Variants in SYT9 observed in about 807,000 individuals in gnomAD.
The protein encoded by SYT9 is synaptotagmin 9, also known as synaptotagmin-9.
SYT9 carries 22 observed loss-of-function variants against 48.4 expected under a neutral mutation model. That is an observed-to-expected ratio of 0.45 (90% CI 0.32 to 0.65). The LOEUF is 0.65. Among genes scored for constraint, SYT9 ranks in the 30% least tolerant of loss-of-function variants. SYT9 has a pLI of 0.03. For missense variants in SYT9, 577 were observed against 622.0 expected, an observed-to-expected ratio of 0.93 and a Z score of 0.77; for synonymous variants, 265 against 245.0, an observed-to-expected ratio of 1.08 and a Z score of -0.76.
chr11:7,242,473 T>G (rs1192151502), intron 1 of SYT9, among the ~76,000 whole-genome samples: 2 of 152,234 alleles, frequency 1.3e-5, no homozygotes, highest in East Asian at 3.8e-4. Flanking sequence ...CACCACCCTC[T>G]GCATAGGGTT....
intron 6 of SYT9, chr11:7,435,645 G>A (rs577149753): frequency 6.6e-6 from 1 of 152,348 alleles, no homozygotes; most frequent in East Asian, 1.9e-4. Flanking sequence ...GAGAGTCTTT[G>A]AGCAACTGCA....
At position 7,431,247 on chromosome 11, in the gene SYT9, T is replaced by C. The variant is rs182295942; in HGVS notation, c.1467+10612T>C. ...AAAGAACTCGGTTGTATTGTGTCCA[T>C]ACCTTAGGGATTTGTGGGAGTTTGC... On this transcript the variant is annotated intron_variant, in intron 6 of 6. Coordinates refer to ENST00000318881, the MANE Select transcript of SYT9 (RefSeq NM_175733.4). 1.2e-4 allele frequency among the ~76,000 whole-genome samples: 18 copies of C among 152,326 alleles called. No individual in the cohort carries two copies. The East Asian group carries it at 1.9e-3, about 16-fold the overall frequency.
intron 3 of SYT9, among the ~76,000 whole-genome samples, chr11:7,381,977 T>A (rs959645982): frequency 2.0e-5 from 3 of 152,104 alleles, no homozygotes; most frequent in Non-Finnish European, 4.4e-5. Flanking sequence ...TAATGTCTCA[T>A]CATCTCCACA....
At chr11:7,448,318 C>G (rs1474014595) in intron 6 of SYT9, among the ~76,000 whole-genome samples, 1 of 152,242 alleles carries the variant, frequency 6.6e-6, no homozygotes, top group Non-Finnish European at 1.5e-5. Flanking sequence ...GCGCCACACT[C>G]AGGTGCAGGG....
intron 3 of SYT9, among the ~76,000 whole-genome samples, chr11:7,353,436 C>T (rs1445829852): frequency 7.9e-5 from 12 of 152,142 alleles, no homozygotes; most frequent in African/African-American, 2.4e-5. Context: ...ACCCCCTTGG[C>T]GAGACACCTT....
At chr11:7,332,816 A>G (rs780111861) in intron 3 of SYT9, among the ~76,000 whole-genome samples, 1 of 152,226 alleles carries the variant, frequency 6.6e-6, no homozygotes, top group Non-Finnish European at 1.5e-5. Context: ...CAAATCTTCT[A>G]CAAACCTGGA....
chr11:7,435,240 C>T (rs1213105573), intron 6 of SYT9: 5 of 152,342 alleles, frequency 3.3e-5, no homozygotes, highest in East Asian at 3.9e-4. Context: ...GAAACTTGCT[C>T]GCTGTTATAG....
chr11:7,328,979 C>A (rs535424950), intron 3 of SYT9, among the ~76,000 whole-genome samples: 22 of 152,258 alleles, frequency 1.4e-4, no homozygotes, highest in Non-Finnish European at 2.8e-4. Context: ...CTGTGCCATA[C>A]TTCGAGACTT....
At chr11:7,466,720 CAAAAAAAAAA>C (rs369543339) in intron 6 of SYT9, 62 bp from the exon 7 acceptor site, 12 of 1,261,160 alleles carry the variant, frequency 9.5e-6, no homozygotes, top group African/African-American at 6.1e-5. Context: ...GACTCTGTCT[CAAAAAAAAAA>C]AAAAAAGAAA....
At chr11:7,258,159 C>G (rs1848009986) in intron 1 of SYT9, among the ~76,000 whole-genome samples, 1 of 152,174 alleles carries the variant, frequency 6.6e-6, no homozygotes, top group African/African-American at 2.4e-5. Context: ...TAAAAACATT[C>G]ATAATCTCTT....
At position 7,296,506 on chromosome 11, in the gene SYT9, A is replaced by G. The variant is rs914115726; in HGVS notation, c.146-6533A>G. On this transcript the variant is annotated intron_variant, in intron 1 of 6. Coordinates refer to ENST00000318881, the MANE Select transcript of SYT9 (RefSeq NM_175733.4). The stretch of plus-strand genomic sequence containing the variant: ...ATGGATCTAAGTTCTCCTTCACTGG[A>G]TAATTCCAGAATGTTATGATGCTTG... Among the ~76,000 whole-genome samples, 53 of 152,322 alleles carry G rather than the reference A, an allele frequency of 3.5e-4. 1 individual carries two copies. Among genetic ancestry groups the G allele is most frequent in the African/African-American group, 1.3e-3 (52 of 41,566 alleles).
chr11:7,356,402 C>G (rs1256640477), intron 3 of SYT9, among the ~76,000 whole-genome samples: 1 of 152,212 alleles, frequency 6.6e-6, no homozygotes, highest in African/African-American at 2.4e-5. Flanking sequence ...AACATCAAGG[C>G]TGTAGCCTTA....
At chr11:7,347,952 A>G (rs1410271126) in intron 3 of SYT9, among the ~76,000 whole-genome samples, 2 of 152,206 alleles carry the variant, frequency 1.3e-5, no homozygotes, top group Non-Finnish European at 1.5e-5. Flanking sequence ...ATTCCGTGAA[A>G]CAGCGACTCT....
chr11:7,334,741 G>A (rs761142018), intron 3 of SYT9, among the ~76,000 whole-genome samples: 10 of 141,432 alleles, frequency 7.1e-5, no homozygotes, highest in Admixed American at 2.1e-4. Context: ...TCATACAGAA[G>A]GTACTCCGCT....
intron 1 of SYT9, among the ~76,000 whole-genome samples, chr11:7,263,428 C>T (rs1848116879): frequency 6.6e-6 from 1 of 152,156 alleles, no homozygotes; most frequent in Non-Finnish European, 1.5e-5. Flanking sequence ...CATTATCATA[C>T]TAGGGATTAG....
chr11:7,324,032 T>G (rs1004203959), intron 3 of SYT9, among the ~76,000 whole-genome samples: 6 of 151,988 alleles, frequency 3.9e-5, no homozygotes, highest in Non-Finnish European at 5.9e-5. Context: ...CTGTCAATGT[T>G]TAGTAGAACT....
intron 3 of SYT9, among the ~76,000 whole-genome samples, chr11:7,388,981 A>T (rs1259942869): frequency 2.0e-5 from 3 of 152,164 alleles, no homozygotes; most frequent in Non-Finnish European, 2.9e-5. Flanking sequence ...CCAGGAAAAT[A>T]TGTGTGAAAA....
intron 3 of SYT9, among the ~76,000 whole-genome samples, chr11:7,373,559 T>C (rs932266967): frequency 6.6e-6 from 1 of 152,152 alleles, no homozygotes; most frequent in Non-Finnish European, 1.5e-5. Flanking sequence ...TTGTTCAGAT[T>C]TGTATTTTAT....
chr11:7,352,525 C>A (rs1589965742), intron 3 of SYT9, among the ~76,000 whole-genome samples: 1 of 152,128 alleles, frequency 6.6e-6, no homozygotes, highest in African/African-American at 2.4e-5. Flanking sequence ...ATATATGATG[C>A]TTCTCGATGG....
Sources: gnomAD v4.1 joint callset for allele counts (sites outside exome capture counted in the v4.1 genomes callset) on GRCh38, gnomAD v4.1.1 for gene constraint, MANE v1.5 for transcripts, NCBI Gene and HGNC (gene_info 2026-07-23, HGNC 2026-07-21) for gene names.